Variants in NCEH1 observed in about 807,000 individuals in gnomAD.
The protein encoded by NCEH1 is neutral cholesterol ester hydrolase 1.
Under a neutral mutation model 25.4 loss-of-function variants are expected in NCEH1, and 9 were observed. The observed-to-expected ratio is 0.35, with a 90% confidence interval of 0.21 to 0.62. The LOEUF is 0.62. Among genes scored for constraint, NCEH1 ranks in the 20% least tolerant of loss-of-function variants. The pLI is 0.72. For missense variants in NCEH1, 412 were observed against 501.1 expected (o/e 0.82, Z 1.70); for synonymous variants, 200 against 199.8 (o/e 1.00, Z -0.01).
At chr3:172,700,519 A>T (rs1024662146) in intron 1 of NCEH1, among the ~76,000 whole-genome samples, 4 of 152,100 alleles carry the variant, frequency 2.6e-5, no homozygotes, top group Admixed American at 2.0e-4. Flanking sequence ...GTTTAAATTT[A>T]AAAAATTTTT....
intron 1 of NCEH1, among the ~76,000 whole-genome samples, chr3:172,705,045 A>C (rs1404081514): frequency 2.0e-5 from 3 of 152,268 alleles, no homozygotes; most frequent in Non-Finnish European, 4.4e-5. Flanking sequence ...TCTTTTTAAA[A>C]GAAATTCGAT....
intron 3 of NCEH1, among the ~76,000 whole-genome samples, chr3:172,642,819 A>G (rs1716921801): frequency 6.6e-6 from 1 of 152,168 alleles, no homozygotes; most frequent in African/African-American, 2.4e-5. Context: ...ATCCCAACTC[A>G]GCATGCATTT....
chr3:172,648,244 T>G (rs1288046281), intron 1 of NCEH1, 130 bp from the exon 2 acceptor site: 1 of 1,040,928 alleles, frequency 9.6e-7, no homozygotes, highest in Non-Finnish European at 1.4e-6. Context: ...CATTGAGCCC[T>G]TTTAATACAA....
At chr3:172,690,798 A>C (rs1365644681) in intron 1 of NCEH1, among the ~76,000 whole-genome samples, 7 of 152,204 alleles carry the variant, frequency 4.6e-5, no homozygotes, top group Non-Finnish European at 8.8e-5. Context: ...TATTCAACCT[A>C]ACAAAAACAA....
intron 3 of NCEH1, among the ~76,000 whole-genome samples, chr3:172,640,971 A>G (rs996711478): frequency 5.3e-5 from 8 of 152,154 alleles, no homozygotes; most frequent in African/African-American, 1.7e-4. Flanking sequence ...CCCACCCAGA[A>G]GCTTCCTTTT....
chr3:172,653,196 G>A (rs1717494897), intron 1 of NCEH1, among the ~76,000 whole-genome samples: 2 of 152,108 alleles, frequency 1.3e-5, no homozygotes, highest in South Asian at 4.1e-4. Flanking sequence ...TGAGATGGAA[G>A]GGGATAAAGG....
chr3:172,653,765 T>TTTTTTTTTTTG (rs1560186642), intron 1 of NCEH1, among the ~76,000 whole-genome samples: 8 of 134,376 alleles, frequency 6.0e-5, no homozygotes, highest in African/African-American at 1.8e-4. Context: ...TTTTTGTTTT[T>TTTTTTTTTTTG]TTTTTTTTTT....
At chr3:172,703,687 T>A (rs913176036) in intron 1 of NCEH1, among the ~76,000 whole-genome samples, 2 of 152,300 alleles carry the variant, frequency 1.3e-5, no homozygotes, top group African/African-American at 4.8e-5. Flanking sequence ...AAATAGGATG[T>A]CCCATTAAAA....
At chr3:172,654,844 T>C (rs1025630140) in intron 1 of NCEH1, among the ~76,000 whole-genome samples, 1 of 152,258 alleles carries the variant, frequency 6.6e-6, no homozygotes, top group African/African-American at 2.4e-5. Context: ...AGCTTTTTAA[T>C]TCTCTTTATA....
At chr3:172,637,141 T>C (rs186122121) in intron 3 of NCEH1, among the ~76,000 whole-genome samples, 153 of 152,368 alleles carry the variant, frequency 1.0e-3, no homozygotes, top group African/African-American at 3.5e-3. Context: ...AACTGTGTTT[T>C]ATTCATAACT....
At chr3:172,641,711 G>A (rs918458332) in intron 3 of NCEH1, among the ~76,000 whole-genome samples, 6 of 152,220 alleles carry the variant, frequency 3.9e-5, no homozygotes, top group Middle Eastern at 6.8e-3. Context: ...TCGTCCCTCC[G>A]TCTGTCTTCT....
At chr3:172,691,043 C>G (rs1713004993) in intron 1 of NCEH1, among the ~76,000 whole-genome samples, 1 of 152,134 alleles carries the variant, frequency 6.6e-6, no homozygotes, top group South Asian at 2.1e-4. Context: ...TGCCCAAACA[C>G]CCTTTACCTA....
At chr3:172,658,051 T>A (rs1717783040) in intron 1 of NCEH1, among the ~76,000 whole-genome samples, 1 of 152,146 alleles carries the variant, frequency 6.6e-6, no homozygotes, top group Non-Finnish European at 1.5e-5. Flanking sequence ...AGTCACAGGA[T>A]GAGACAGGAG....
intron 1 of NCEH1, among the ~76,000 whole-genome samples, chr3:172,709,779 T>C (rs1576790445): frequency 6.6e-6 from 1 of 152,316 alleles, no homozygotes; most frequent in African/African-American, 2.4e-5. Context: ...CAGGTTGAAA[T>C]GATTTTTTTT....
chr3:172,655,678 T>C (rs879356863), intron 1 of NCEH1, among the ~76,000 whole-genome samples: 1 of 152,176 alleles, frequency 6.6e-6, no homozygotes, highest in Non-Finnish European at 1.5e-5. Context: ...GTCAAAAACA[T>C]ATCTTCACTT....
intron 1 of NCEH1, among the ~76,000 whole-genome samples, chr3:172,651,842 A>C (rs994956594): frequency 2.0e-5 from 3 of 152,206 alleles, no homozygotes; most frequent in African/African-American, 7.2e-5. Flanking sequence ...TACAGGCATG[A>C]GCCACCGCGC....
intron 1 of NCEH1, among the ~76,000 whole-genome samples, chr3:172,648,802 T>A (rs1201804062): frequency 6.6e-6 from 1 of 152,148 alleles, no homozygotes; most frequent in Non-Finnish European, 1.5e-5. Context: ...TTCTGAACCC[T>A]CAGGGTATCA....
chr3:172,634,098 G>C lies in NCEH1; in HGVS notation c.610-6C>G, dbSNP rs1716499917. On this transcript the variant is annotated splice_region_variant and splice_polypyrimidine_tract_variant and intron_variant, in intron 4 of 4. Coordinates refer to ENST00000475381, the MANE Select transcript of NCEH1 (RefSeq NM_020792.6). ...AGGCTGGCATCTTGAGTAAACTAGA[G>C]AAGAGGAAGCAAATACATTATTTCA... 2.5e-6 allele frequency: 4 copies of C among 1,609,238 alleles called. No homozygotes were observed. The highest frequency in any genetic ancestry group is 3.4e-6 in the Non-Finnish European group (4 of 1,177,874).
intron 3 of NCEH1, among the ~76,000 whole-genome samples, chr3:172,640,445 C>A (rs1036048258): frequency 2.0e-5 from 3 of 152,098 alleles, no homozygotes; most frequent in African/African-American, 7.2e-5. Context: ...TCTACTGTTG[C>A]ATCACAAGGT....
Sources: allele counts gnomAD v4.1 joint callset (sites outside exome capture counted in the v4.1 genomes callset), GRCh38; gene constraint gnomAD v4.1.1; transcripts MANE v1.5; gene names NCBI Gene and HGNC (gene_info 2026-07-23, HGNC 2026-07-21).